ST8SIA4: variants seen among roughly 807,000 people sequenced by gnomAD.
The protein encoded by ST8SIA4 is ST8 alpha-N-acetyl-neuraminide alpha-2,8-sialyltransferase 4, also known as CMP-N-acetylneuraminate-poly-alpha-2,8-sialyltransferase.
Under a neutral mutation model 33.9 loss-of-function variants are expected in ST8SIA4, and 15 were observed. That is an observed-to-expected ratio of 0.44 (90% CI 0.30 to 0.68). The LOEUF (loss-of-function observed/expected upper bound fraction) is 0.68, where lower values mean the gene tolerates loss of function less well. Ranked by LOEUF, ST8SIA4 falls within the 30% of genes least tolerant of loss-of-function variation. The pLI is 0.10. For synonymous variants in ST8SIA4, 171 were observed against 151.2 expected (o/e 1.13, Z -0.96); for missense variants, 321 against 428.0 (o/e 0.75, Z 2.21).
At chr5:100,850,541 A>G (rs922649661) in intron 4 of ST8SIA4, among the ~76,000 whole-genome samples, 5 of 152,048 alleles carry the variant, frequency 3.3e-5, no homozygotes, top group Non-Finnish European at 5.9e-5. Flanking sequence ...GTTCATAATA[A>G]TTAGCAGGGG....
At position 100,825,949 on chromosome 5, in the gene ST8SIA4, C is replaced by T. The variant is rs115620090; in HGVS notation, c.798-13820G>A. On this transcript the variant is annotated intron_variant, in intron 4 of 4. Transcript: ENST00000231461. ...AATACAATTATAATTTATATAATTA[C>T]ATAAAATACAATTCAGCAGAGCAAA... is the stretch of plus-strand genomic sequence containing the variant. Among the ~76,000 whole-genome samples, 608 of 152,232 alleles carry T rather than the reference C, an allele frequency of 4.0e-3. 5 individuals are homozygous for T. The highest frequency in any genetic ancestry group is 0.014 in the African/African-American group (584 of 41,552).
At chr5:100,865,260 G>A (rs1453020038) in intron 3 of ST8SIA4, among the ~76,000 whole-genome samples, 1 of 152,050 alleles carries the variant, frequency 6.6e-6, no homozygotes, top group Non-Finnish European at 1.5e-5. Context: ...CTTCTGTAGT[G>A]GACAACAGGG....
intron 4 of ST8SIA4, among the ~76,000 whole-genome samples, chr5:100,840,804 C>T (rs893899144): frequency 1.3e-5 from 2 of 151,052 alleles, no homozygotes; most frequent in South Asian, 2.1e-4. Flanking sequence ...AAAAAGTCCC[C>T]AAAGTTTTCT....
intron 3 of ST8SIA4, among the ~76,000 whole-genome samples, chr5:100,872,569 T>G (rs906840428): frequency 1.3e-5 from 2 of 152,074 alleles, no homozygotes; most frequent in African/African-American, 4.8e-5. Context: ...CTCCGTCCTG[T>G]TCTTGTGATA....
At chr5:100,889,716 A>C (rs2112476722) in intron 2 of ST8SIA4, among the ~76,000 whole-genome samples, 1 of 152,094 alleles carries the variant, frequency 6.6e-6, no homozygotes, top group African/African-American at 2.4e-5. Flanking sequence ...AGAGTTAAGC[A>C]CAGTTTTAAA....
chr5:100,896,536 A>G (rs1752783480), intron 1 of ST8SIA4, among the ~76,000 whole-genome samples: 1 of 152,082 alleles, frequency 6.6e-6, no homozygotes, highest in African/African-American at 2.4e-5. Flanking sequence ...ACTATAGTTA[A>G]TAATATTGTA....
chr5:100,813,316 C>A (rs1480816709), intron 4 of ST8SIA4, among the ~76,000 whole-genome samples: 2 of 151,938 alleles, frequency 1.3e-5, no homozygotes, highest in African/African-American at 4.8e-5. Flanking sequence ...TATACCTGGC[C>A]ATCATAATTC....
At chr5:100,834,818 G>C (rs1561388834) in intron 4 of ST8SIA4, among the ~76,000 whole-genome samples, 2 of 152,100 alleles carry the variant, frequency 1.3e-5, no homozygotes, top group African/African-American at 2.4e-5. Context: ...ATGATTGTAA[G>C]CTTGCTGACG....
chr5:100,824,972 G>A (rs1751111552), intron 4 of ST8SIA4, among the ~76,000 whole-genome samples: 1 of 151,846 alleles, frequency 6.6e-6, no homozygotes, highest in Non-Finnish European at 1.5e-5. Flanking sequence ...GAGGTGGGAG[G>A]ATAACTTGAG....
intron 4 of ST8SIA4, among the ~76,000 whole-genome samples, chr5:100,829,987 G>A (rs1182867401): frequency 6.6e-6 from 1 of 151,480 alleles, no homozygotes; most frequent in Non-Finnish European, 1.5e-5. Flanking sequence ...TCTTTCCAAA[G>A]CATAATTAAA....
In ST8SIA4 at chr5:100,807,044, T is replaced by C. The variant is rs1270887579; in HGVS notation, c.*4803A>G. 6.6e-6 allele frequency: 1 copy of C among 152,108 alleles called. No homozygotes were observed. The highest frequency in any genetic ancestry group is 1.5e-5 in the Non-Finnish European group (1 of 67,958). The allele number at this position is 152,108 out of a possible 1,614,324, so 9.4% of individuals were successfully genotyped here. A position where few individuals can be genotyped will look rare whatever the true frequency, so the allele number is the denominator to read the frequency against. ...GTTTTTGACATTGTTCATATTCCCA[T>C]GTATACACTTAAAAATAAATGGTTT... is the stretch of plus-strand genomic sequence containing the variant. On this transcript the variant is annotated 3_prime_UTR_variant, in exon 5 of 5. Coordinates refer to ENST00000231461, the MANE Select transcript of ST8SIA4 (RefSeq NM_005668.6).
chr5:100,814,043 A>G (rs558689750), intron 4 of ST8SIA4, among the ~76,000 whole-genome samples: 99 of 152,154 alleles, frequency 6.5e-4, no homozygotes, highest in African/African-American at 2.3e-3. Context: ...CTAATTCTGG[A>G]GAGGTTTCCT....
intron 4 of ST8SIA4, among the ~76,000 whole-genome samples, chr5:100,828,476 C>G (rs1751187384): frequency 6.6e-6 from 1 of 152,138 alleles, no homozygotes; most frequent in Non-Finnish European, 1.5e-5. Context: ...GAAAATCCCT[C>G]AAAGTGGCTC....
intron 4 of ST8SIA4, among the ~76,000 whole-genome samples, chr5:100,838,751 T>C (rs1042629472): frequency 6.6e-6 from 1 of 152,074 alleles, no homozygotes; most frequent in Non-Finnish European, 1.5e-5. Context: ...CTGTAAGTCA[T>C]CAACACTGTA....
rs577062778 is a variant in ST8SIA4 at position 100,901,767 on chromosome 5, G to A, written c.113+1076C>T. ...CTGCATCTTGCTCGCTTAAATAAAT[G>A]CTTATTACCTAGGGAGCAGGAATAT... is the stretch of plus-strand genomic sequence containing the variant. On this transcript the variant is annotated intron_variant, in intron 1 of 4. Coordinates refer to ENST00000231461, the MANE Select transcript of ST8SIA4 (RefSeq NM_005668.6). 3.9e-5 allele frequency among the ~76,000 whole-genome samples: 6 copies of A among 152,118 alleles called. No individual in the cohort carries two copies. In the South Asian group the frequency reaches 1.0e-3, roughly 26 times the overall value.
intron 2 of ST8SIA4, among the ~76,000 whole-genome samples, chr5:100,887,781 G>T (rs746149115): frequency 6.6e-6 from 1 of 152,000 alleles, no homozygotes; most frequent in Non-Finnish European, 1.5e-5. Flanking sequence ...GTTCGTTTAT[G>T]TTAGTTTCTC....
Position 100,811,928 on chromosome 5 carries a change from C to A in ST8SIA4, c.999G>T (p.Met333Ile), listed in dbSNP as rs1376521004. ...RYFSNASPHR[M>I]PLEFKTLNVL... ...CATTTAATGTTTTGAATTCTAATGGCATTCTGTGAGGGCTTGCATTGGAAA... is the reference window on the plus strand; with the variant it reads ...CATTTAATGTTTTGAATTCTAATGGAATTCTGTGAGGGCTTGCATTGGAAA... The change falls in exon 5 of 5, where the codon ATG becomes ATT. Residue 333 changes from methionine to isoleucine, a missense_variant. Met to Ile is a conservative substitution (Grantham distance 10, BLOSUM62 1). Transcript: ENST00000231461. 2 of 1,614,048 alleles carry A rather than the reference C, an allele frequency of 1.2e-6. No individual in the cohort carries two copies. The highest frequency in any genetic ancestry group is 1.7e-6 in the Non-Finnish European group (2 of 1,179,936).
chr5:100,841,844 A>ATG (rs1751477739), intron 4 of ST8SIA4, among the ~76,000 whole-genome samples: 1 of 151,860 alleles, frequency 6.6e-6, no homozygotes, highest in Non-Finnish European at 1.5e-5. Flanking sequence ...CATCCACCAG[A>ATG]GGTATTACAT....
At chr5:100,869,175 A>G (rs1466268468) in intron 3 of ST8SIA4, among the ~76,000 whole-genome samples, 1 of 152,202 alleles carries the variant, frequency 6.6e-6, no homozygotes, top group African/African-American at 2.4e-5. Context: ...AAGAACAATT[A>G]TAAGAAAGAT....
Sources: allele counts gnomAD v4.1 joint callset (sites outside exome capture counted in the v4.1 genomes callset), GRCh38; gene constraint gnomAD v4.1.1; transcripts MANE v1.5; gene names NCBI Gene and HGNC (gene_info 2026-07-23, HGNC 2026-07-21).